The following DSTN variants were observed in gnomAD, a reference collection of about 807,000 sequenced individuals.
DSTN encodes destrin, actin depolymerizing factor.
In DSTN, 10 loss-of-function variants were observed where a neutral mutation model predicts 16.8. The observed-to-expected ratio is 0.60, with a 90% CI of 0.37 to 1.01. The LOEUF is 1.01. Ranked by LOEUF, DSTN falls within the 50% of genes least tolerant of loss-of-function variation. DSTN has a pLI of 0.01. For missense variants in DSTN, 141 were observed against 196.7 expected (o/e 0.72, Z 1.69); for synonymous variants, 57 against 58.9 (o/e 0.97, Z 0.14).
intron 2 of DSTN, among the ~76,000 whole-genome samples, chr20:17,603,457 C>G (rs1277888803): frequency 6.6e-6 from 1 of 152,158 alleles, no homozygotes; most frequent in African/African-American, 2.4e-5. Flanking sequence ...TTTTAAGTCA[C>G]AGGCTCCAAG....
At chr20:17,572,385 T>G (rs374507327) in intron 1 of DSTN, among the ~76,000 whole-genome samples, 4 of 152,204 alleles carry the variant, frequency 2.6e-5, no homozygotes. Flanking sequence ...AGAGATTGTT[T>G]AGTAGCCCAT....
At chr20:17,597,576 T>G (rs2035540042) in intron 1 of DSTN, among the ~76,000 whole-genome samples, 1 of 152,210 alleles carries the variant, frequency 6.6e-6, no homozygotes, top group Non-Finnish European at 1.5e-5. Context: ...TAACATACAT[T>G]CTACCCATTA....
rs762059569 is a variant in DSTN, at chr20:17,600,969, G to C, written c.235G>C (p.Asp79His). 1 of 1,614,046 alleles carries C rather than the reference G, an allele frequency of 6.2e-7. No individual in the cohort carries two copies. Among genetic ancestry groups the C allele is most frequent in the Non-Finnish European group, 8.5e-7 (1 of 1,179,954 alleles). Residue 79 changes from aspartate to histidine, a missense_variant, in exon 2 of 4, where the codon GAT (aspartate) becomes CAT (histidine). Physicochemically the swap from Asp to His is moderately conservative, Grantham distance 81. Transcript: ENST00000246069. ...KHFVGMLPEK[D>H]CRYALYDASF... Reference sequence around the variant, plus strand: ...TTTTGTGGGAATGCTTCCTGAAAAAGATTGTCGCTATGCTTTGTATGATGC... The same window carrying C: ...TTTTGTGGGAATGCTTCCTGAAAAACATTGTCGCTATGCTTTGTATGATGC...
At chr20:17,603,555 G>A (rs1600713928) in intron 2 of DSTN, among the ~76,000 whole-genome samples, 2 of 152,140 alleles carry the variant, frequency 1.3e-5, no homozygotes, top group Non-Finnish European at 1.5e-5. Context: ...GGGCCTATGG[G>A]TTGGCGTACA....
At chr20:17,580,488 T>A (rs2122169762) in intron 1 of DSTN, among the ~76,000 whole-genome samples, 1 of 152,318 alleles carries the variant, frequency 6.6e-6, no homozygotes, top group African/African-American at 2.4e-5. Flanking sequence ...TGACTCATGC[T>A]TGTAATCCAG....
intron 2 of DSTN, among the ~76,000 whole-genome samples, chr20:17,602,426 G>A (rs1228000651): frequency 2.0e-5 from 3 of 151,888 alleles, no homozygotes; most frequent in Non-Finnish European, 4.4e-5. Flanking sequence ...TAAATTGGTC[G>A]GTATTTCCTT....
intron 1 of DSTN, among the ~76,000 whole-genome samples, chr20:17,595,454 G>A (rs1009459445): frequency 2.0e-5 from 3 of 152,048 alleles, no homozygotes; most frequent in Non-Finnish European, 4.4e-5. Flanking sequence ...TCTCCCATCT[G>A]TGCTGTGGAT....
chr20:17,581,049 G>C lies in DSTN; in HGVS notation c.3+10838G>C, dbSNP rs769616869. Among the ~76,000 whole-genome samples the C allele has an allele frequency of 7.8e-4, 119 of 152,318 alleles. 1 individual carries two copies. Among genetic ancestry groups the C allele is most frequent in the Admixed American group, 2.6e-4 (4 of 15,300 alleles). The stretch of plus-strand genomic sequence containing the variant: ...CCATTAGGTCAAAGGTGAGGAATTT[G>C]AATTTTATTCTGATGACACCAGGAA... On this transcript the variant is annotated intron_variant, in intron 1 of 3. Transcript: ENST00000246069.
chr20:17,586,060 G>A (rs746211919), intron 1 of DSTN, among the ~76,000 whole-genome samples: 2 of 152,136 alleles, frequency 1.3e-5, no homozygotes, highest in African/African-American at 4.8e-5. Context: ...CAGGTCGCCC[G>A]AGAGAGGGTC....
At chr20:17,577,145 C>T (rs1024051346) in intron 1 of DSTN, among the ~76,000 whole-genome samples, 1 of 152,194 alleles carries the variant, frequency 6.6e-6, no homozygotes, top group African/African-American at 2.4e-5. Context: ...GGGTCCTATT[C>T]CCAAGCTATC....
rs1259837542 is a variant in DSTN at position 17,609,204 on chromosome 20, G to A, written c.*2058G>A. Reference sequence around the variant, plus strand: ...TCTTTACTTTGTAGCAATGCTTTTAGTGTGGGTTTTGTTTTTTGAGACAGG... The same window carrying A: ...TCTTTACTTTGTAGCAATGCTTTTAATGTGGGTTTTGTTTTTTGAGACAGG... On this transcript the variant is annotated 3_prime_UTR_variant, in exon 4 of 4. Coordinates refer to ENST00000246069, the MANE Select transcript of DSTN (RefSeq NM_006870.4). 4 of 152,176 alleles carry A rather than the reference G, an allele frequency of 2.6e-5. No individual in the cohort carries two copies. Among genetic ancestry groups the A allele is most frequent in the Admixed American group, 2.0e-4 (3 of 15,260 alleles). The allele number at this position is 152,176 out of a possible 1,614,324, so 9.4% of individuals were successfully genotyped here. A position where few individuals can be genotyped will look rare whatever the true frequency, so the allele number is the denominator to read the frequency against.
chr20:17,579,561 C>T (rs983424195), intron 1 of DSTN, among the ~76,000 whole-genome samples: 22 of 152,100 alleles, frequency 1.4e-4, no homozygotes, highest in Middle Eastern at 3.4e-3. Context: ...TCAGCCTGGA[C>T]GACAGAGCAA....
rs1170919837 is a variant in DSTN at position 17,570,175 on chromosome 20, C to T, written c.-34C>T. 6 of 1,519,208 alleles carry T rather than the reference C, an allele frequency of 3.9e-6. No individual in the cohort carries two copies. The highest frequency in any genetic ancestry group is 1.4e-5 in the African/African-American group (1 of 69,810). 94.1% of individuals were successfully genotyped at this position (1,519,208 alleles called of 1,614,324 possible). A position where few individuals can be genotyped will look rare whatever the true frequency, so the allele number is the denominator to read the frequency against. On this transcript the variant is annotated 5_prime_UTR_variant, in exon 1 of 4. Coordinates refer to ENST00000246069, the MANE Select transcript of DSTN (RefSeq NM_006870.4). ...CTGCATACTCGCTGCCCGCCGGCTC[C>T]CTCCCCCGCGTCCCTGCGACCGCCG...
intron 2 of DSTN, among the ~76,000 whole-genome samples, chr20:17,603,217 T>C (rs768142553): frequency 6.6e-6 from 1 of 152,126 alleles, no homozygotes; most frequent in Admixed American, 6.5e-5. Flanking sequence ...CACATGCCAG[T>C]GCTCATGGCT....
intron 1 of DSTN, among the ~76,000 whole-genome samples, chr20:17,590,192 T>C (rs369583416): frequency 1.3e-5 from 2 of 152,240 alleles, no homozygotes; most frequent in African/African-American, 4.8e-5. Flanking sequence ...AGAATTGTTA[T>C]TTTAAGTTGT....
At position 17,580,898 on chromosome 20, in the gene DSTN, G is replaced by A. The variant is rs145545213; in HGVS notation, c.3+10687G>A. Among the ~76,000 whole-genome samples the A allele has an allele frequency of 8.0e-4, 122 of 152,308 alleles. 1 individual carries two copies. The Middle Eastern group carries it at 0.01, about 13-fold the overall frequency. ...GCAGAAGGAACTCTTAAGTAGAAGGGCCTGTAGAAGAGAATGAGCTTGACA... is the reference window on the plus strand; with the variant it reads ...GCAGAAGGAACTCTTAAGTAGAAGGACCTGTAGAAGAGAATGAGCTTGACA... On this transcript the variant is annotated intron_variant, in intron 1 of 3. Coordinates refer to ENST00000246069, the MANE Select transcript of DSTN (RefSeq NM_006870.4).
At position 17,592,301 on chromosome 20, in the gene DSTN, C is replaced by T. The variant is rs181667342; in HGVS notation, c.4-8437C>T. Among the ~76,000 whole-genome samples, 79 of 152,042 alleles carry T rather than the reference C, an allele frequency of 5.2e-4. 1 individual carries two copies. The highest frequency in any genetic ancestry group is 1.9e-3 in the African/African-American group (79 of 41,448). ...AATTAGCTGGGTGTGGTGGCATGCA[C>T]CTCTAGTCCCAGCTACTCAGGAGGC... is the stretch of plus-strand genomic sequence containing the variant. On this transcript the variant is annotated intron_variant, in intron 1 of 3. Coordinates refer to ENST00000246069, the MANE Select transcript of DSTN (RefSeq NM_006870.4).
chr20:17,571,042 T>G (rs1017640311), intron 1 of DSTN, among the ~76,000 whole-genome samples: 8 of 152,132 alleles, frequency 5.3e-5, no homozygotes, highest in African/African-American at 1.9e-4. Flanking sequence ...AATACTGGAG[T>G]CACCAGAAAG....
chr20:17,575,455 T>C (rs6034857), intron 1 of DSTN, among the ~76,000 whole-genome samples: 59,404 of 151,368 alleles, frequency 0.39, 12,384 homozygotes, highest in East Asian at 0.56. Context: ...AGTAGAATAT[T>C]GTGAAAGCAT....
Sources: allele counts gnomAD v4.1 joint callset (sites outside exome capture counted in the v4.1 genomes callset), GRCh38; gene constraint gnomAD v4.1.1; transcripts MANE v1.5; gene names NCBI Gene and HGNC (gene_info 2026-07-23, HGNC 2026-07-21).